USP39: variants seen among roughly 807,000 people sequenced by gnomAD.
USP39 encodes ubiquitin specific peptidase 39, also known as ubiquitin carboxyl-terminal hydrolase 39.
USP39 carries 38 observed loss-of-function variants against 66.4 expected under a neutral mutation model. The ratio of observed to expected loss-of-function variants is 0.57; its 90% CI spans 0.44 to 0.75. The LOEUF (loss-of-function observed/expected upper bound fraction) is 0.75. USP39 is among the 30% of genes least tolerant of loss of function. The probability of loss-of-function intolerance (pLI) is 0.00; values close to 1 mark genes in which losing one functional copy is unlikely to be tolerated. For synonymous variants in USP39, 303 were observed against 274.6 expected, an observed-to-expected ratio of 1.10 and a Z score of -1.02; for missense variants, 608 against 714.4, an observed-to-expected ratio of 0.85 and a Z score of 1.70.
intron 6 of USP39, among the ~76,000 whole-genome samples, chr2:85,635,069 A>C (rs1675655560): frequency 6.6e-6 from 1 of 152,192 alleles, no homozygotes; most frequent in African/African-American, 2.4e-5. Flanking sequence ...AGATGTGTGA[A>C]GTGTTTCTTG....
chr2:85,637,395 T>A lies in USP39; in HGVS notation c.1054T>A (p.Ser352Thr). 6.2e-7 allele frequency: 1 copy of A among 1,614,144 alleles called. No homozygotes were observed. Residue 352 changes from serine to threonine, a missense_variant, in exon 8 of 13, where the codon TCC (serine) becomes ACC (threonine). Transcript: ENST00000323701. ...KTIVTDVFQG[S>T]MRIFTKKLPH... Reference sequence around the variant, plus strand: ...TATTGTGACTGATGTTTTCCAGGGGTCCATGAGGATCTTCACTAAAAAGCT... The same window carrying A: ...TATTGTGACTGATGTTTTCCAGGGGACCATGAGGATCTTCACTAAAAAGCT...
upstream of USP39, chr2:85,611,309 G>A (rs998152048): frequency 2.8e-6 from 4 of 1,422,374 alleles, no homozygotes; most frequent in Non-Finnish European, 3.7e-6. Context: ...CTGGGGAAAG[G>A]CCATTTACTG....
chr2:85,618,286 G>C (rs1003858108), intron 1 of USP39, among the ~76,000 whole-genome samples: 1 of 151,480 alleles, frequency 6.6e-6, no homozygotes, highest in African/African-American at 2.4e-5. Context: ...ATTTGTGGCC[G>C]GGCGCAGTGG....
intron 6 of USP39, 60 bp from the exon 7 acceptor site, chr2:85,635,993 G>C: frequency 6.4e-7 from 1 of 1,553,138 alleles, no homozygotes; most frequent in South Asian, 1.1e-5. Context: ...CCAGTGCATG[G>C]TTTAAGTTAA....
At position 85,616,254 on chromosome 2, in the gene USP39, A is replaced by G. The variant is rs941829473; in HGVS notation, c.59A>G (p.Glu20Gly). Residue 20 changes from glutamate (E) to glycine (G), a missense_variant, in exon 1 of 13, where the codon GAG becomes GGG. By Grantham distance (98) the Glu-to-Gly change is moderately conservative. Coordinates refer to ENST00000323701, the MANE Select transcript of USP39 (RefSeq NM_006590.4). The part of the protein sequence containing the change: ...RGSTRGKRES[E>G]SRGSSGRVKR... ...TCCACTCGCGGGAAGCGAGAGTCTG[A>G]GTCGCGGGGCAGCTCCGGTCGCGTC... 3 of 1,509,784 alleles carry G rather than the reference A, an allele frequency of 2.0e-6. No homozygotes were observed. Among genetic ancestry groups the G allele is most frequent in the Middle Eastern group, 1.8e-4 (1 of 5,456 alleles). The allele number at this position is 1,509,784 out of a possible 1,614,324, so 93.5% of individuals were successfully genotyped here.
intron 9 of USP39, chr2:85,639,689 C>T (rs1309998704): frequency 3.2e-5 from 7 of 220,504 alleles, no homozygotes; most frequent in Admixed American, 1.1e-4. Flanking sequence ...CTCAAGTGAT[C>T]AGCCTGCCTC....
chr2:85,648,816 G>C lies in USP39; in HGVS notation c.*8G>C. On this transcript the variant is annotated 3_prime_UTR_variant, in exon 13 of 13. Coordinates refer to ENST00000323701, the MANE Select transcript of USP39 (RefSeq NM_006590.4). Reference sequence around the variant, plus strand: ...AACCAGCAGGGGGCTTGAAGGAGGCGTCTAGGGCTTTGCTCCCAAGGGCTG... The same window carrying C: ...AACCAGCAGGGGGCTTGAAGGAGGCCTCTAGGGCTTTGCTCCCAAGGGCTG... 6.2e-7 allele frequency: 1 copy of C among 1,614,064 alleles called. No individual in the cohort carries two copies. Among genetic ancestry groups the C allele is most frequent in the Non-Finnish European group, 8.5e-7 (1 of 1,179,980 alleles).
At chr2:85,612,417 G>T (rs1429923653), upstream of USP39, 7 of 1,479,528 alleles carry the variant, frequency 4.7e-6, no homozygotes, top group Non-Finnish European at 6.4e-6. Flanking sequence ...ACTGTGTAAC[G>T]CTGCCACTTC....
At chr2:85,635,944 G>A in intron 6 of USP39, 109 bp from the exon 7 acceptor site, 5 of 995,482 alleles carry the variant, frequency 5.0e-6, no homozygotes, top group Non-Finnish European at 8.1e-6. Context: ...GGATGGGATG[G>A]CATGGCCAGA....
At position 85,635,253 on chromosome 2, in the gene USP39, G is replaced by A. The variant is rs115313723; in HGVS notation, c.950-800G>A. ...AGGAACTAAATAGAAGCAAATCTTC[G>A]TTGAAGAGAAAGTAGTCATTATCTG... On this transcript the variant is annotated intron_variant, in intron 6 of 12. Coordinates refer to ENST00000323701, the MANE Select transcript of USP39 (RefSeq NM_006590.4). 3.9e-3 allele frequency among the ~76,000 whole-genome samples: 601 copies of A among 152,244 alleles called. 5 individuals carry two copies. Among genetic ancestry groups the A allele is most frequent in the African/African-American group, 0.014 (574 of 41,562 alleles).
At chr2:85,619,533 G>T (rs893634619) in intron 2 of USP39, among the ~76,000 whole-genome samples, 1 of 150,102 alleles carries the variant, frequency 6.7e-6, no homozygotes, top group African/African-American at 2.5e-5. Flanking sequence ...TAAAATAACA[G>T]TAGCACATTG....
At chr2:85,607,321 AC>A (rs1673253034), upstream of USP39, 1 of 152,186 alleles carries the variant, frequency 6.6e-6, no homozygotes, top group Non-Finnish European at 1.5e-5. Context: ...AGCCTTCTTG[AC>A]CCAGGAGGCT....
chr2:85,616,215 G>C lies in USP39; in HGVS notation c.20G>C (p.Arg7Pro), dbSNP rs1673918861. The C allele has an allele frequency of 1.4e-6, 2 of 1,479,966 alleles. No individual in the cohort carries two copies. Among genetic ancestry groups the C allele is most frequent in the African/African-American group, 1.5e-5 (1 of 68,612 alleles). 91.7% of individuals were successfully genotyped at this position (1,479,966 alleles called of 1,614,324 possible). A position where few individuals can be genotyped will look rare whatever the true frequency, so the allele number is the denominator to read the frequency against. MSGRSK[R>P]ESRGSTRGKR... ...GTGGAGATGTCCGGCCGGTCTAAGC[G>C]GGAGTCTCGCGGTTCCACTCGCGGG... Residue 7 changes from arginine (R) to proline (P), a missense_variant, in exon 1 of 13, where the codon CGG becomes CCG. Physicochemically the swap from Arg to Pro is moderately radical, Grantham distance 103. This residue lies in a region of USP39 where 207 missense variants were observed against 145.7 expected (regional missense o/e 1.42). Transcript: ENST00000323701.
At chr2:85,612,141 G>A (rs1036568227), upstream of USP39, 3 of 890,282 alleles carry the variant, frequency 3.4e-6, no homozygotes, top group East Asian at 8.1e-5. Flanking sequence ...AGCGCACGGA[G>A]TTTTCGGGTC....
rs1676841959 is a variant in USP39 at position 85,648,802 on chromosome 2, G to A, written c.1692G>A (p.Gly564=). The A allele has an allele frequency of 1.9e-6, 3 of 1,614,026 alleles. No individual in the cohort carries two copies. Among genetic ancestry groups the A allele is most frequent in the Admixed American group, 3.3e-5 (2 of 59,982 alleles). The change falls in exon 13 of 13, where the codon GGG becomes GGA. Residue 564 remains glycine (G), a synonymous_variant. Transcript: ENST00000323701. ...RRDNDETNQQ[G]A ...ATAATGATGAAACCAACCAGCAGGG[G>A]GCTTGAAGGAGGCGTCTAGGGCTTT... is the stretch of plus-strand genomic sequence containing the variant.
intron 3 of USP39, among the ~76,000 whole-genome samples, chr2:85,623,184 G>A (rs1333217921): frequency 5.3e-5 from 8 of 152,102 alleles, no homozygotes; most frequent in African/African-American, 1.9e-4. Flanking sequence ...ATAAAGCATT[G>A]TCCTGAATAT....
At chr2:85,624,161 G>A (rs1674671103) in intron 4 of USP39, among the ~76,000 whole-genome samples, 1 of 152,062 alleles carries the variant, frequency 6.6e-6, no homozygotes. Flanking sequence ...TTTAACATAC[G>A]CCGTGGCCAG....
intron 3 of USP39, 45 bp downstream of exon 3, chr2:85,621,624 CTTT>C (rs35865728): frequency 3.2e-3 from 3,529 of 1,091,910 alleles, no homozygotes; most frequent in East Asian, 4.0e-3. Context: ...TCCAGAGGGA[CTTT>C]TTTTTTTTTT....
In USP39 at chr2:85,616,332, G is replaced by C. The variant is rs774771518; in HGVS notation, c.137G>C (p.Ser46Thr). 3 of 1,600,650 alleles carry C rather than the reference G, an allele frequency of 1.9e-6. No homozygotes were observed. Among genetic ancestry groups the C allele is most frequent in the South Asian group, 2.2e-5 (2 of 89,356 alleles). ...CCTGAGGCGGCGAGCTCCCGGGGCA[G>C]CCCTGTGCGCGTGAAGCGGGAGTTC... ...REPEAASSRG[S>T]PVRVKREFEP... Residue 46 changes from serine to threonine, a missense_variant, in exon 1 of 13, where the codon AGC becomes ACC. Physicochemically the swap from Ser to Thr is moderately conservative, Grantham distance 58 (BLOSUM62 1). Transcript: ENST00000323701.
Sources: gnomAD v4.1 joint callset for allele counts (sites outside exome capture counted in the v4.1 genomes callset) on GRCh38, gnomAD v4.1.1 for gene constraint, gnomAD v4.1.1 regional missense constraint, MANE v1.5 for transcripts, NCBI Gene and HGNC (gene_info 2026-07-23, HGNC 2026-07-21) for gene names.